AKAP19: variants seen among roughly 807,000 people sequenced by gnomAD.
AKAP19 encodes A-kinase anchoring protein 19.
the AKAP19 span, among the ~76,000 whole-genome samples, chr2:189,939,094 G>T: frequency 2.0e-5 from 3 of 152,298 alleles, no homozygotes; most frequent in East Asian, 3.9e-4. Context: ...TGTGAAGGAA[G>T]AAATATTCCT....
chr2:190,166,253 CCA>C, the AKAP19 span, among the ~76,000 whole-genome samples: 3 of 145,284 alleles, frequency 2.1e-5, no homozygotes, highest in African/African-American at 7.7e-5. Flanking sequence ...ATAAAGATTT[CCA>C]AAATTGACCC....
chr2:189,987,076 G>A, the AKAP19 span, among the ~76,000 whole-genome samples: 6 of 152,176 alleles, frequency 3.9e-5, no homozygotes, highest in South Asian at 1.0e-3. Context: ...TGGTTTGGCT[G>A]TGTCCCCACC....
the AKAP19 span, among the ~76,000 whole-genome samples, chr2:189,941,364 A>G: frequency 2.0e-5 from 3 of 152,234 alleles, no homozygotes; most frequent in Admixed American, 2.0e-4. Flanking sequence ...TAACTCCAGT[A>G]TGAAGGCCAA....
the AKAP19 span, among the ~76,000 whole-genome samples, chr2:189,984,801 G>C: frequency 6.6e-6 from 1 of 152,108 alleles, no homozygotes; most frequent in Non-Finnish European, 1.5e-5. Flanking sequence ...CATGGCTTCA[G>C]CCGGTCCCTC....
chr2:190,188,689 A>T, the AKAP19 span, among the ~76,000 whole-genome samples: 95 of 152,330 alleles, frequency 6.2e-4, no homozygotes, highest in Admixed American at 3.5e-3. Context: ...TTGCCTTTTA[A>T]GTATTTAAAG....
the AKAP19 span, among the ~76,000 whole-genome samples, chr2:190,048,645 C>T: frequency 1.4e-4 from 22 of 152,266 alleles, no homozygotes; most frequent in Non-Finnish European, 2.8e-4. Flanking sequence ...GAGTGGAGTA[C>T]TCCCCAAGGC....
the AKAP19 span, among the ~76,000 whole-genome samples, chr2:190,155,631 G>A: frequency 6.6e-6 from 1 of 152,218 alleles, no homozygotes; most frequent in African/African-American, 2.4e-5. Context: ...ATATGAACAG[G>A]TGATTGTGCA....
At chr2:190,026,633 T>C in the AKAP19 span, among the ~76,000 whole-genome samples, 1 of 152,208 alleles carries the variant, frequency 6.6e-6, no homozygotes, top group African/African-American at 2.4e-5. Context: ...CTTTCTAATC[T>C]GATGTGAGTA....
the AKAP19 span, among the ~76,000 whole-genome samples, chr2:189,992,730 T>G: frequency 6.6e-6 from 1 of 152,202 alleles, no homozygotes; most frequent in African/African-American, 2.4e-5. Flanking sequence ...TGTAGAGGTC[T>G]TTCACCTCCT....
the AKAP19 span, among the ~76,000 whole-genome samples, chr2:189,943,653 A>G: frequency 6.6e-6 from 1 of 152,224 alleles, no homozygotes; most frequent in South Asian, 2.1e-4. Flanking sequence ...TGAACCTGGA[A>G]AAGCTGCAGG....
At chr2:190,148,156 CT>C in the AKAP19 span, among the ~76,000 whole-genome samples, 1 of 152,106 alleles carries the variant, frequency 6.6e-6, no homozygotes, top group Non-Finnish European at 1.5e-5. Context: ...TCATAGATGG[CT>C]TTTATTACAC....
At chr2:190,124,016 A>G in the AKAP19 span, among the ~76,000 whole-genome samples, 3 of 152,206 alleles carry the variant, frequency 2.0e-5, no homozygotes, top group African/African-American at 7.2e-5. Flanking sequence ...AAGGATTTAC[A>G]CCAGCAGCCT....
chr2:189,892,275 G>A, the AKAP19 span, among the ~76,000 whole-genome samples: 1 of 151,998 alleles, frequency 6.6e-6, no homozygotes, highest in African/African-American at 2.4e-5. Flanking sequence ...TTGTTCCCTT[G>A]CTGGCGAGGA....
the AKAP19 span, among the ~76,000 whole-genome samples, chr2:190,171,012 C>T: frequency 0.52 from 78,928 of 151,942 alleles, 21,093 homozygotes; most frequent in Middle Eastern, 0.64. Context: ...ATCTGATGGG[C>T]TCCCAGGAAC....
chr2:189,947,509 T>A, the AKAP19 span, among the ~76,000 whole-genome samples: 443 of 152,240 alleles, frequency 2.9e-3, 4 homozygotes, highest in African/African-American at 0.01. Context: ...TGACACTTTG[T>A]CACCAGAAAG....
At chr2:189,918,142 G>T in the AKAP19 span, among the ~76,000 whole-genome samples, 1 of 151,638 alleles carries the variant, frequency 6.6e-6, no homozygotes, top group Non-Finnish European at 1.5e-5. Flanking sequence ...TATGCTTAGA[G>T]CCCCAGGAGA....
chr2:190,051,810 A>AT, the AKAP19 span, among the ~76,000 whole-genome samples: 12 of 149,858 alleles, frequency 8.0e-5, no homozygotes, highest in Middle Eastern at 3.2e-3. Flanking sequence ...TGCTTTTCTT[A>AT]TTTTTTTTAT....
At chr2:190,037,808 C>T in the AKAP19 span, among the ~76,000 whole-genome samples, 3 of 152,158 alleles carry the variant, frequency 2.0e-5, no homozygotes, top group African/African-American at 4.8e-5. Context: ...TCTTTCTTTA[C>T]GTTCTTTAAC....
the AKAP19 span, among the ~76,000 whole-genome samples, chr2:189,960,556 G>T: frequency 6.6e-6 from 1 of 152,160 alleles, no homozygotes; most frequent in Non-Finnish European, 1.5e-5. Context: ...GATAAAGCAA[G>T]AGTGACTCTA....
Sources: allele counts gnomAD v4.1 joint callset (sites outside exome capture counted in the v4.1 genomes callset), GRCh38; gene constraint gnomAD v4.1.1; transcripts MANE v1.5; gene names NCBI Gene and HGNC (gene_info 2026-07-23, HGNC 2026-07-21).